TJP2: variants seen among roughly 807,000 people sequenced by gnomAD.
TJP2 encodes Friedreich ataxia region gene X104 (tight junction protein ZO-2).
A neutral mutation model predicts 133.1 loss-of-function variants in TJP2; 91 were observed. The ratio of observed to expected loss-of-function variants is 0.68; its 90% CI spans 0.58 to 0.81. The LOEUF is 0.81. Among genes scored for constraint, TJP2 ranks in the 40% least tolerant of loss-of-function variants. TJP2 has a pLI of 0.00. For synonymous variants in TJP2, 592 were observed against 583.4 expected, an observed-to-expected ratio of 1.01 and a Z score of -0.21; for missense variants, 1,541 against 1,565.6, an observed-to-expected ratio of 0.98 and a Z score of 0.26.
intron 16 of TJP2, 47 bp from the exon 17 acceptor site, chr9:69,239,890 A>G (rs375299336): frequency 1.1e-5 from 15 of 1,423,580 alleles, no homozygotes; most frequent in Middle Eastern, 3.5e-4. Context: ...TTGATGCTAT[A>G]TTACTTTATA....
chr9:69,174,007 T>A (rs1824851437), upstream of TJP2: 1 of 984,766 alleles, frequency 1.0e-6, no homozygotes, highest in Non-Finnish European at 1.2e-6. Context: ...GCCTTGGGCT[T>A]CTCCTGCCGC....
rs1243895006 is a variant in TJP2 at position 69,125,351 on chromosome 9, G to T, written c.-131+3626G>T. The stretch of plus-strand genomic sequence containing the variant: ...AGATAGAGTCTAACTCTGTTATCCG[G>T]GTTGGAGTGCACTGGTGCCATCTCA... On this transcript the variant is annotated intron_variant, in intron 1 of 5. Transcript: ENST00000423935. Among the ~76,000 whole-genome samples, 12 of 61,926 alleles carry T rather than the reference G, an allele frequency of 1.9e-4. 2 individuals are homozygous for T. Among genetic ancestry groups the T allele is most frequent in the African/African-American group, 6.1e-4 (12 of 19,532 alleles). The allele number at this position is 61,926 out of a possible 152,430, so 40.6% of individuals were successfully genotyped here.
intron 12 of TJP2, 112 bp from the exon 13 acceptor site, chr9:69,235,916 C>G (rs1226309220): frequency 5.0e-6 from 5 of 997,420 alleles, no homozygotes; most frequent in Non-Finnish European, 6.2e-6. Context: ...GACTTGTGCA[C>G]TGAATGGAAG....
chr9:69,164,419 A>G (rs1472277183), intron 2 of TJP2, among the ~76,000 whole-genome samples: 1 of 152,066 alleles, frequency 6.6e-6, no homozygotes, highest in Non-Finnish European at 1.5e-5. Context: ...AGAGCCCCTG[A>G]GAGGAGGGCC....
intron 1 of TJP2, among the ~76,000 whole-genome samples, chr9:69,180,379 A>G (rs1301142084): frequency 2.0e-5 from 3 of 152,256 alleles, no homozygotes; most frequent in African/African-American, 7.2e-5. Flanking sequence ...TCTAGTCATC[A>G]GTAGGAATTA....
chr9:69,209,748 T>C (rs1827721476), intron 1 of TJP2, among the ~76,000 whole-genome samples: 1 of 125,160 alleles, frequency 8.0e-6, no homozygotes, highest in African/African-American at 3.2e-5. Context: ...CAAAACTCCA[T>C]CTCAAAAAAA....
intron 1 of TJP2, among the ~76,000 whole-genome samples, chr9:69,203,631 T>TTTTTTTTA (rs71309247): frequency 1.4e-5 from 2 of 138,886 alleles, no homozygotes; most frequent in Admixed American, 7.3e-5. Flanking sequence ...TTTTTTTTTT[T>TTTTTTTTA]GAGACAGGGT....
intron 1 of TJP2, among the ~76,000 whole-genome samples, chr9:69,183,903 T>C (rs1475424986): frequency 1.3e-5 from 2 of 152,028 alleles, no homozygotes; most frequent in African/African-American, 4.8e-5. Context: ...CCTAGCTAAT[T>C]TTTGTATTTT....
intron 21 of TJP2, 152 bp downstream of exon 21, chr9:69,251,516 G>T: frequency 1.3e-6 from 1 of 790,240 alleles, no homozygotes; most frequent in Non-Finnish European, 2.1e-6. Flanking sequence ...CAGATTGCCA[G>T]CTCCCAGCAC....
At chr9:69,140,879 C>T (rs146246399) in intron 1 of TJP2, among the ~76,000 whole-genome samples, 4 of 152,332 alleles carry the variant, frequency 2.6e-5, no homozygotes, top group Non-Finnish European at 4.4e-5. Flanking sequence ...GACGGAGTCT[C>T]GCTGTCGCCC....
upstream of TJP2, among the ~76,000 whole-genome samples, chr9:69,172,031 G>A (rs1268990006): frequency 6.6e-6 from 1 of 152,002 alleles, no homozygotes; most frequent in Non-Finnish European, 1.5e-5. Flanking sequence ...TCTTGACCTC[G>A]CGATCTGTCC....
At chr9:69,180,866 T>C (rs776330937) in intron 1 of TJP2, among the ~76,000 whole-genome samples, 1 of 152,214 alleles carries the variant, frequency 6.6e-6, no homozygotes, top group Non-Finnish European at 1.5e-5. Flanking sequence ...CACATGCTAG[T>C]ATTTATTCTA....
intron 5 of TJP2, 72 bp downstream of exon 5, chr9:69,221,568 T>C: frequency 1.3e-6 from 2 of 1,542,758 alleles, no homozygotes; most frequent in East Asian, 2.4e-5. Flanking sequence ...AATTTTTTTT[T>C]TTCCCCCGAA....
At chr9:69,193,771 G>A (rs181430571) in intron 1 of TJP2, among the ~76,000 whole-genome samples, 2 of 150,512 alleles carry the variant, frequency 1.3e-5, no homozygotes, top group African/African-American at 4.9e-5. Context: ...GCATGGCTTT[G>A]GCTCCACATT....
At chr9:69,213,044 C>G (rs112471846) in intron 2 of TJP2, among the ~76,000 whole-genome samples, 6 of 56,434 alleles carry the variant, frequency 1.1e-4, no homozygotes, top group African/African-American at 2.6e-4. Flanking sequence ...GAACTGCACT[C>G]GTGGTTCTGC....
Position 69,222,337 on chromosome 9 carries a change from C to T in TJP2, c.952+841C>T, listed in dbSNP as rs551139626. 2.2e-3 allele frequency among the ~76,000 whole-genome samples: 333 copies of T among 149,586 alleles called. 1 individual carries two copies. The highest frequency in any genetic ancestry group is 3.9e-3 in the Non-Finnish European group (263 of 67,638). On this transcript the variant is annotated intron_variant, in intron 5 of 22. Coordinates refer to ENST00000377245, the MANE Select transcript of TJP2 (RefSeq NM_004817.4). Reference sequence around the variant, plus strand: ...GATTATAGGTGCCTGCCACCACGCCCGGCTAATTTTTGTATTTTCAGTAGA... The same window carrying T: ...GATTATAGGTGCCTGCCACCACGCCTGGCTAATTTTTGTATTTTCAGTAGA...
chr9:69,152,373 G>C (rs1486467678), intron 2 of TJP2, among the ~76,000 whole-genome samples: 1 of 152,142 alleles, frequency 6.6e-6, no homozygotes, highest in Non-Finnish European at 1.5e-5. Flanking sequence ...TTTGACCTCT[G>C]TTTATAGGCC....
At chr9:69,202,943 G>C (rs555711047) in intron 1 of TJP2, among the ~76,000 whole-genome samples, 1 of 152,270 alleles carries the variant, frequency 6.6e-6, no homozygotes, top group Admixed American at 6.5e-5. Flanking sequence ...TTAAAAAAAA[G>C]AATTACTGCT....
At chr9:69,231,002 T>TTGTGTA (rs543754371) in intron 11 of TJP2, among the ~76,000 whole-genome samples, 3 of 152,132 alleles carry the variant, frequency 2.0e-5, no homozygotes, top group Non-Finnish European at 4.4e-5. Context: ...AACTTGACAT[T>TTGTGTA]TGTGTATGTG....
Sources: allele counts gnomAD v4.1 joint callset (sites outside exome capture counted in the v4.1 genomes callset), GRCh38; gene constraint gnomAD v4.1.1; transcripts MANE v1.5; gene names NCBI Gene and HGNC (gene_info 2026-07-23, HGNC 2026-07-21).